The following CTCFL variants were observed in gnomAD, a reference collection of about 807,000 sequenced individuals.
CTCFL encodes the protein transcriptional repressor CTCFL.
Under a neutral mutation model 67.4 loss-of-function variants are expected in CTCFL, and 36 were observed. The ratio of observed to expected loss-of-function variants is 0.53; its 90% CI spans 0.41 to 0.71. The LOEUF (loss-of-function observed/expected upper bound fraction) is 0.71. Among genes scored for constraint, CTCFL ranks in the 30% least tolerant of loss-of-function variants. CTCFL has a pLI of 0.00. For synonymous variants in CTCFL, 324 were observed against 302.3 expected, an observed-to-expected ratio of 1.07 and a Z score of -0.75; for missense variants, 786 against 835.2, an observed-to-expected ratio of 0.94 and a Z score of 0.73.
intron 9 of CTCFL, among the ~76,000 whole-genome samples, chr20:57,508,190 G>A (rs1361849532): frequency 6.6e-6 from 1 of 152,108 alleles, no homozygotes; most frequent in South Asian, 2.1e-4. Flanking sequence ...TCCCACCTTG[G>A]CCTCTCAAGT....
Position 57,524,027 on chromosome 20 carries a change from A to G in CTCFL, c.179T>C (p.Val60Ala), listed in dbSNP as rs2069635678. ...ERTSGAFQDS[V>A]LEEEVELVLA... is the part of the protein sequence containing the mutation. ...CACCAGCTCCACTTCTTCCTCCAGGACGCTGTCCTGGAAGGCCCCAGAGGT... is the reference window on the plus strand; with the variant it reads ...CACCAGCTCCACTTCTTCCTCCAGGGCGCTGTCCTGGAAGGCCCCAGAGGT... The change falls in exon 2 of 11, where the codon GTC becomes GCC. Residue 60 changes from valine to alanine, a missense_variant. By Grantham distance (64) the Val-to-Ala change is moderately conservative. Coordinates refer to ENST00000243914, the MANE Select transcript of CTCFL (RefSeq NM_001386993.1). 3.1e-6 allele frequency: 5 copies of G among 1,613,336 alleles called. No homozygotes were observed. Among genetic ancestry groups the G allele is most frequent in the East Asian group, 2.2e-5 (1 of 44,876 alleles).
chr20:57,521,769 C>T (rs754396272), intron 3 of CTCFL, among the ~76,000 whole-genome samples: 4 of 152,228 alleles, frequency 2.6e-5, no homozygotes, highest in Admixed American at 6.5e-5. Context: ...ACACATACTA[C>T]AATACCAACA....
At chr20:57,496,231 C>T, downstream of CTCFL, 1 of 631,722 alleles carries the variant, frequency 1.6e-6, no homozygotes, top group South Asian at 1.8e-5. Flanking sequence ...TGGCGCCTCC[C>T]CCTCTCTCGC....
rs183013785 is a variant in CTCFL, at chr20:57,501,816, G to C, written c.1840+1620C>G. 1.9e-3 allele frequency among the ~76,000 whole-genome samples: 283 copies of C among 152,272 alleles called. 1 individual carries two copies. The highest frequency in any genetic ancestry group is 3.4e-3 in the Middle Eastern group (1 of 294). ...GAGGGAGGCAGGGGCTGGGAGTTTG[G>C]GATGAAGGTGCTCACTGGAAATCAG... is the stretch of plus-strand genomic sequence containing the variant. On this transcript the variant is annotated intron_variant, in intron 10 of 10. Transcript: ENST00000243914.
At chr20:57,517,283 CTT>C (rs77609219) in intron 5 of CTCFL, among the ~76,000 whole-genome samples, 45 of 130,656 alleles carry the variant, frequency 3.4e-4, no homozygotes, top group Admixed American at 3.2e-4. Context: ...AGTTCAAATG[CTT>C]TTTTTTTTTT....
intron 3 of CTCFL, among the ~76,000 whole-genome samples, chr20:57,522,350 T>C (rs1289215913): frequency 6.6e-6 from 1 of 152,204 alleles, no homozygotes; most frequent in South Asian, 2.1e-4. Flanking sequence ...TGAAATATGT[T>C]GATTTAAATA....
chr20:57,514,473 G>T, intron 7 of CTCFL, 119 bp downstream of exon 7: 6 of 1,229,292 alleles, frequency 4.9e-6, no homozygotes, highest in South Asian at 1.5e-5. Flanking sequence ...TCGTCCCAGG[G>T]CCAAGTTCCC....
In CTCFL at chr20:57,504,836, T is replaced by C. The variant is rs2068112158; in HGVS notation, c.1675-1235A>G. Among the ~76,000 whole-genome samples, 3 of 152,114 alleles carry C rather than the reference T, an allele frequency of 2.0e-5. No homozygotes were observed. In the East Asian group the frequency reaches 5.8e-4, roughly 29 times the overall value. Reference sequence around the variant, plus strand: ...TCTTCCTTAACCAATTGCAAACCAGTCTCTGAATCTACCTACAACCTGTAA... The same window carrying C: ...TCTTCCTTAACCAATTGCAAACCAGCCTCTGAATCTACCTACAACCTGTAA... On this transcript the variant is annotated intron_variant, in intron 9 of 10. Coordinates refer to ENST00000243914, the MANE Select transcript of CTCFL (RefSeq NM_001386993.1).
chr20:57,499,073 CGGGGG>C (rs11475885), intron 10 of CTCFL, among the ~76,000 whole-genome samples: 1 of 65,340 alleles, frequency 1.5e-5, no homozygotes, highest in African/African-American at 4.5e-5. Flanking sequence ...CTGAAGGTGA[CGGGGG>C]GGGGGTGGGG....
chr20:57,502,915 C>T (rs374437279), intron 10 of CTCFL, among the ~76,000 whole-genome samples: 1 of 152,174 alleles, frequency 6.6e-6, no homozygotes, highest in South Asian at 2.1e-4. Flanking sequence ...AAGGCCCACA[C>T]ACAGAAGAGA....
chr20:57,517,338 G>A (rs781529749), intron 5 of CTCFL, among the ~76,000 whole-genome samples: 16 of 148,824 alleles, frequency 1.1e-4, no homozygotes, highest in African/African-American at 4.0e-4. Flanking sequence ...ACTGGAGTGC[G>A]CGATTTCGGC....
chr20:57,503,633 C>A (rs145667855), intron 9 of CTCFL, 32 bp from the exon 10 acceptor site: 1 of 1,611,412 alleles, frequency 6.2e-7, no homozygotes, highest in Non-Finnish European at 8.5e-7. Context: ...ACACACAAGG[C>A]GAGTGAGATG....
rs1274796453 is a variant in CTCFL, at chr20:57,497,915, GTCTAA to G, written c.*630_*634del. 3 of 952,736 alleles carry G rather than the reference GTCTAA, an allele frequency of 3.1e-6. No homozygotes were observed. The African/African-American group carries it at 5.3e-5, about 17-fold the overall frequency. The allele number at this position is 952,736 out of a possible 1,614,324, so 59.0% of individuals were successfully genotyped here. A position where few individuals can be genotyped will look rare whatever the true frequency, so the allele number is the denominator to read the frequency against. The stretch of plus-strand genomic sequence containing the variant: ...AAATCGATTTATTCCTTATTTTCTA[GTCTAA>G]TCTAGTATTTCATTTCCTACTCAGT... On this transcript the variant is annotated 3_prime_UTR_variant, in exon 11 of 11. Coordinates refer to ENST00000243914, the MANE Select transcript of CTCFL (RefSeq NM_001386993.1).
chr20:57,506,698 G>T, intron 9 of CTCFL: 1 of 637,708 alleles, frequency 1.6e-6, no homozygotes, highest in African/African-American at 2.0e-5. Context: ...ATGCTTTCTT[G>T]AATCGGAATT....
intron 5 of CTCFL, among the ~76,000 whole-genome samples, chr20:57,517,345 C>A (rs1180899728): frequency 1.4e-5 from 2 of 142,230 alleles, no homozygotes; most frequent in Non-Finnish European, 3.0e-5. Context: ...TGCGCGATTT[C>A]GGCTCACTGG....
rs150273121 is a variant in CTCFL at position 57,523,917 on chromosome 20, T to C, written c.289A>G (p.Met97Val). The change falls in exon 2 of 11, where the codon ATG becomes GTG. Residue 97 changes from methionine to valine, a missense_variant. By Grantham distance (21) the Met-to-Val change is conservative (BLOSUM62 1). Transcript: ENST00000243914. ...TGCTGCTGTATGCTCAGCAAGCTCA[T>C]ATCCTGCAACTCCACAGCTTCAGAA... ...FTSEAVELQD[M>V]SLLSIQQQEG... 1.7e-5 allele frequency: 28 copies of C among 1,613,158 alleles called. 1 individual carries two copies. The East Asian group carries it at 2.5e-4, about 14-fold the overall frequency.
rs2067742445 is a variant in CTCFL, at chr20:57,497,624, G to T, written c.*926C>A. 1.0e-6 allele frequency: 1 copy of T among 985,106 alleles called. No homozygotes were observed. Among genetic ancestry groups the T allele is most frequent in the South Asian group, 4.7e-5 (1 of 21,294 alleles). The allele number at this position is 985,106 out of a possible 1,614,324, so 61.0% of individuals were successfully genotyped here. Reference sequence around the variant, plus strand: ...AAAAATCTTGTCAACTGGCAAAAGGGAAATACTCACTAATCACTGGGCATT... The same window carrying T: ...AAAAATCTTGTCAACTGGCAAAAGGTAAATACTCACTAATCACTGGGCATT... On this transcript the variant is annotated 3_prime_UTR_variant, in exon 11 of 11. Transcript: ENST00000243914.
At chr20:57,496,334 C>T (rs910135478), downstream of CTCFL, 2 of 682,352 alleles carry the variant, frequency 2.9e-6, no homozygotes, top group African/African-American at 3.5e-5. Flanking sequence ...AGGCAGATAC[C>T]AACATCATCC....
In CTCFL at chr20:57,498,549, C is replaced by T; in HGVS notation, c.*1G>A. 6.2e-7 allele frequency: 1 copy of T among 1,611,784 alleles called. No homozygotes were observed. Among genetic ancestry groups the T allele is most frequent in the South Asian group, 1.1e-5 (1 of 90,624 alleles). Reference sequence around the variant, plus strand: ...CAGTGAACACGCAACCCGAATCCCTCTCACTTATCCATCGTGTTGAGGAGC... The same window carrying T: ...CAGTGAACACGCAACCCGAATCCCTTTCACTTATCCATCGTGTTGAGGAGC... On this transcript the variant is annotated 3_prime_UTR_variant, in exon 11 of 11. Coordinates refer to ENST00000243914, the MANE Select transcript of CTCFL (RefSeq NM_001386993.1).
Sources: gnomAD v4.1 joint callset for allele counts (sites outside exome capture counted in the v4.1 genomes callset) on GRCh38, gnomAD v4.1.1 for gene constraint, MANE v1.5 for transcripts, NCBI Gene and HGNC (gene_info 2026-07-23, HGNC 2026-07-21) for gene names.